Variants in ENOPH1 observed in about 807,000 individuals in gnomAD.
The protein encoded by ENOPH1 is enolase-phosphatase E1.
ENOPH1 carries 14 observed loss-of-function variants against 31.1 expected under a neutral mutation model. That is an observed-to-expected ratio of 0.45 (90% CI 0.30 to 0.70). ENOPH1 has a LOEUF of 0.70. Ranked by LOEUF, ENOPH1 falls within the 30% of genes least tolerant of loss-of-function variation. ENOPH1 has a pLI of 0.09. For synonymous variants in ENOPH1, 127 were observed against 123.2 expected (o/e 1.03, Z -0.21); for missense variants, 243 against 321.5 (o/e 0.76, Z 1.87).
Position 82,460,414 on chromosome 4 carries a change from A to ATC in ENOPH1, c.*296_*297dup, listed in dbSNP as rs1722616664. ...TGGTAGAAGAAATTGCTAAATACCT[A>ATC]TCTAATGTGCTATGTTTATCAAATC... On this transcript the variant is annotated 3_prime_UTR_variant, in exon 6 of 6. Coordinates refer to ENST00000273920, the MANE Select transcript of ENOPH1 (RefSeq NM_021204.5). 4.4e-6 allele frequency: 1 copy of ATC among 226,204 alleles called. No individual in the cohort carries two copies. Among genetic ancestry groups the ATC allele is most frequent in the Non-Finnish European group, 8.6e-6 (1 of 116,618 alleles). 14.0% of individuals were successfully genotyped at this position (226,204 alleles called of 1,614,324 possible). A position where few individuals can be genotyped will look rare whatever the true frequency, so the allele number is the denominator to read the frequency against.
chr4:82,448,115 C>A, intron 2 of ENOPH1, 94 bp downstream of exon 2: 2 of 801,002 alleles, frequency 2.5e-6, no homozygotes, highest in South Asian at 3.9e-5. Context: ...AAAATAAGTG[C>A]CCTGGTTTGA....
chr4:82,457,650 T>C (rs1170796788), intron 5 of ENOPH1, among the ~76,000 whole-genome samples: 1 of 152,144 alleles, frequency 6.6e-6, no homozygotes, highest in Admixed American at 6.5e-5. Context: ...CACAGGAAAT[T>C]AACAGGAAGA....
At chr4:82,431,480 C>T (rs1721758523) in intron 1 of ENOPH1, among the ~76,000 whole-genome samples, 1 of 152,152 alleles carries the variant, frequency 6.6e-6, no homozygotes, top group African/African-American at 2.4e-5. Flanking sequence ...CGCTGTGGTC[C>T]ATAGCGCTGA....
At chr4:82,435,071 C>A (rs937235388) in intron 1 of ENOPH1, among the ~76,000 whole-genome samples, 1 of 152,098 alleles carries the variant, frequency 6.6e-6, no homozygotes, top group Non-Finnish European at 1.5e-5. Context: ...TGCACTTTAC[C>A]GCAGGACACA....
At chr4:82,432,573 G>T (rs1721800164) in intron 1 of ENOPH1, among the ~76,000 whole-genome samples, 1 of 152,040 alleles carries the variant, frequency 6.6e-6, no homozygotes. Context: ...GACCTCAAGT[G>T]ATTCACCCAC....
intron 1 of ENOPH1, among the ~76,000 whole-genome samples, chr4:82,436,304 G>T (rs1177636995): frequency 6.6e-6 from 1 of 152,170 alleles, no homozygotes; most frequent in East Asian, 1.9e-4. Context: ...TACATTCATG[G>T]TAGTACGTGA....
chr4:82,457,617 G>A (rs1722524911), intron 5 of ENOPH1, among the ~76,000 whole-genome samples: 1 of 151,612 alleles, frequency 6.6e-6, no homozygotes, highest in Non-Finnish European at 1.5e-5. Context: ...CCATCGCTAT[G>A]TACACACACA....
chr4:82,440,071 A>G (rs1302597808), intron 1 of ENOPH1, among the ~76,000 whole-genome samples: 2 of 152,240 alleles, frequency 1.3e-5, no homozygotes, highest in Non-Finnish European at 2.9e-5. Flanking sequence ...GGGGATCATT[A>G]GTATAAATGG....
At chr4:82,435,868 C>T (rs1279184233) in intron 1 of ENOPH1, among the ~76,000 whole-genome samples, 1 of 152,204 alleles carries the variant, frequency 6.6e-6, no homozygotes, top group Admixed American at 6.5e-5. Context: ...TAGGCTTTTT[C>T]ATCCGCAGGG....
Position 82,430,657 on chromosome 4 carries a change from A to G in ENOPH1, c.-173A>G, listed in dbSNP as rs1426231535. ...CTGGGCGGCCGCCTTTTCCAGTTCC[A>G]GGTGTGCAGAAGTGTCCTCTCCCCA... is the stretch of plus-strand genomic sequence containing the variant. On this transcript the variant is annotated 5_prime_UTR_variant, in exon 1 of 6. Transcript: ENST00000273920. 1.2e-5 allele frequency: 7 copies of G among 591,826 alleles called. No individual in the cohort carries two copies. The highest frequency in any genetic ancestry group is 1.8e-5 in the Non-Finnish European group (6 of 334,004). 36.7% of individuals were successfully genotyped at this position (591,826 alleles called of 1,614,324 possible).
intron 2 of ENOPH1, among the ~76,000 whole-genome samples, chr4:82,450,196 CCTTA>C (rs1412692684): frequency 5.3e-5 from 8 of 152,120 alleles, no homozygotes; most frequent in African/African-American, 1.9e-4. Flanking sequence ...TACAGTGAGT[CCTTA>C]CTTAATGTTG....
chr4:82,451,670 G>A (rs981383430), intron 3 of ENOPH1, among the ~76,000 whole-genome samples: 6 of 152,292 alleles, frequency 3.9e-5, no homozygotes, highest in East Asian at 1.9e-4. Context: ...GAGGATGTCC[G>A]CACTACCACG....
intron 1 of ENOPH1, among the ~76,000 whole-genome samples, chr4:82,446,895 A>G (rs1335004936): frequency 6.8e-6 from 1 of 146,138 alleles, no homozygotes; most frequent in Non-Finnish European, 1.5e-5. Context: ...TTTAGTAGAG[A>G]CGGGGTTTCA....
intron 1 of ENOPH1, among the ~76,000 whole-genome samples, chr4:82,441,437 A>G (rs963177524): frequency 1.3e-5 from 2 of 152,096 alleles, no homozygotes; most frequent in African/African-American, 4.8e-5. Context: ...CCTGTTTAAC[A>G]CGGTGAAACC....
chr4:82,450,022 A>C (rs1398405820), intron 2 of ENOPH1, among the ~76,000 whole-genome samples: 1 of 152,128 alleles, frequency 6.6e-6, no homozygotes, highest in Non-Finnish European at 1.5e-5. Flanking sequence ...TGGTCTGCAG[A>C]GCTAACTCAC....
chr4:82,444,651 C>G (rs558829012), intron 1 of ENOPH1, among the ~76,000 whole-genome samples: 2 of 152,248 alleles, frequency 1.3e-5, no homozygotes, highest in Admixed American at 1.3e-4. Flanking sequence ...TTTCAGTAAG[C>G]GATCACTGAG....
chr4:82,445,520 A>G (rs562752459), intron 1 of ENOPH1, among the ~76,000 whole-genome samples: 1 of 152,250 alleles, frequency 6.6e-6, no homozygotes, highest in African/African-American at 2.4e-5. Flanking sequence ...CAGTGGTGCA[A>G]TCACAGCTCA....
Position 82,461,155 on chromosome 4 carries a change from A to G in ENOPH1, c.*1035A>G, listed in dbSNP as rs1355901270. ...ATAGCAAAAGAGAAACTGAAAAACA[A>G]GAATATTTAGCTCTTATCTTAATCG... On this transcript the variant is annotated 3_prime_UTR_variant, in exon 6 of 6. Transcript: ENST00000273920. 1.3e-5 allele frequency: 2 copies of G among 152,200 alleles called. No individual in the cohort carries two copies. The highest frequency in any genetic ancestry group is 4.8e-5 in the African/African-American group (2 of 41,452). The allele number at this position is 152,200 out of a possible 1,614,324, so 9.4% of individuals were successfully genotyped here.
Position 82,460,486 on chromosome 4 carries a change from T to A in ENOPH1, c.*366T>A, listed in dbSNP as rs901822707. The stretch of plus-strand genomic sequence containing the variant: ...GTTTTGAGAAATTATTCAGAAGCCT[T>A]GTTATTTTAAAAATGAAATATTTCA... On this transcript the variant is annotated 3_prime_UTR_variant, in exon 6 of 6. Coordinates refer to ENST00000273920, the MANE Select transcript of ENOPH1 (RefSeq NM_021204.5). 12 of 160,312 alleles carry A rather than the reference T, an allele frequency of 7.5e-5. No individual in the cohort carries two copies. The highest frequency in any genetic ancestry group is 1.5e-4 in the Non-Finnish European group (11 of 73,684). The allele number at this position is 160,312 out of a possible 1,614,324, so 9.9% of individuals were successfully genotyped here. A position where few individuals can be genotyped will look rare whatever the true frequency, so the allele number is the denominator to read the frequency against.
Sources: allele counts gnomAD v4.1 joint callset (sites outside exome capture counted in the v4.1 genomes callset), GRCh38; gene constraint gnomAD v4.1.1; transcripts MANE v1.5; gene names NCBI Gene and HGNC (gene_info 2026-07-23, HGNC 2026-07-21).